Variants in FBXO48 observed in about 807,000 individuals in gnomAD.
FBXO48 encodes the protein F-box only protein 48.
FBXO48 carries 12 observed loss-of-function variants against 14.3 expected under a neutral mutation model. The observed-to-expected ratio is 0.84, with a 90% CI of 0.54 to 1.36. The LOEUF is 1.36. Among genes scored for constraint, FBXO48 ranks in the 40% most tolerant of loss-of-function variants. The pLI, the probability that FBXO48 is intolerant of heterozygous loss-of-function variation, is 0.00. For missense variants in FBXO48, 177 were observed against 179.1 expected, an observed-to-expected ratio of 0.99 and a Z score of 0.07; for synonymous variants, 53 against 61.7, an observed-to-expected ratio of 0.86 and a Z score of 0.66.
intron 3 of FBXO48, among the ~76,000 whole-genome samples, chr2:68,464,615 G>A (rs148002444): frequency 3.9e-5 from 6 of 152,234 alleles, no homozygotes; most frequent in East Asian, 1.9e-4. Context: ...GAAAATTCCC[G>A]AATTTAGAAT....
chr2:68,465,015 A>G lies in FBXO48; in HGVS notation c.131T>C (p.Phe44Ser), dbSNP rs1252180890. 6.2e-7 allele frequency: 1 copy of G among 1,613,828 alleles called. No homozygotes were observed. Among genetic ancestry groups the G allele is most frequent in the African/African-American group, 1.3e-5 (1 of 74,930 alleles). The change falls in exon 3 of 4, where the codon TTT becomes TCT. Residue 44 changes from phenylalanine to serine, a missense_variant. Phe to Ser is a radical substitution (Grantham distance 155). Transcript: ENST00000377957. ...AATGTCCAGCTGACTGAAAATTTTA[A>G]AAGTGATTTCTGCAGGCAGCAGTTC... ...FFELLPAEIT[F>S]KIFSQLDIRS...
rs1047094285 is a variant in FBXO48, at chr2:68,463,179, G to A, written c.*1030C>T. On this transcript the variant is annotated 3_prime_UTR_variant, in exon 4 of 4. Transcript: ENST00000377957. ...GGATTCTTATATTTAATGCTATAGAGAACAGTTTTTAAGAAGAAAACCCCA... is the reference window on the plus strand; with the variant it reads ...GGATTCTTATATTTAATGCTATAGAAAACAGTTTTTAAGAAGAAAACCCCA... 6.6e-6 allele frequency: 1 copy of A among 152,036 alleles called. No individual in the cohort carries two copies. The highest frequency in any genetic ancestry group is 2.4e-5 in the African/African-American group (1 of 41,392). The allele number at this position is 152,036 out of a possible 1,614,324, so 9.4% of individuals were successfully genotyped here.
Position 68,463,668 on chromosome 2 carries a change from A to G in FBXO48, c.*541T>C, listed in dbSNP as rs1168095382. 1.3e-5 allele frequency: 2 copies of G among 152,318 alleles called. No individual in the cohort carries two copies. The highest frequency in any genetic ancestry group is 2.9e-5 in the Non-Finnish European group (2 of 68,086). 9.4% of individuals were successfully genotyped at this position (152,318 alleles called of 1,614,324 possible). On this transcript the variant is annotated 3_prime_UTR_variant, in exon 4 of 4. Transcript: ENST00000377957. The stretch of plus-strand genomic sequence containing the variant: ...TGACATTAACTTAAAACTAAACCAC[A>G]GGCTTAACACATTAAAAATAGTTTC...
At position 68,463,007 on chromosome 2, in the gene FBXO48, C is replaced by A. The variant is rs372026383; in HGVS notation, c.*1202G>T. The A allele has an allele frequency of 3.9e-5, 6 of 152,266 alleles. No individual in the cohort carries two copies. Among genetic ancestry groups the A allele is most frequent in the African/African-American group, 1.4e-4 (6 of 41,524 alleles). 9.4% of individuals were successfully genotyped at this position (152,266 alleles called of 1,614,324 possible). ...GAAAATTACTGAATAGTCCTGGACA[C>A]TTGACTGCCTGATTTTCAAGGACTC... On this transcript the variant is annotated 3_prime_UTR_variant, in exon 4 of 4. Transcript: ENST00000377957.
rs987399545 is a variant in FBXO48, at chr2:68,464,076, A to G, written c.*133T>C. On this transcript the variant is annotated 3_prime_UTR_variant, in exon 4 of 4. Coordinates refer to ENST00000377957, the MANE Select transcript of FBXO48 (RefSeq NM_001024680.3). ...AAAACAAAAATAAAGCTTTACTTTT[A>G]TAATAGTTCCATTTCATTTTCTTTT... 3 of 838,104 alleles carry G rather than the reference A, an allele frequency of 3.6e-6. No homozygotes were observed. The highest frequency in any genetic ancestry group is 5.5e-6 in the Non-Finnish European group (3 of 549,752). 51.9% of individuals were successfully genotyped at this position (838,104 alleles called of 1,614,324 possible).
At position 68,460,963 on chromosome 2, in the gene FBXO48, T is replaced by G. The variant is rs1306936547; in HGVS notation, c.*3246A>C. The stretch of plus-strand genomic sequence containing the variant: ...GCATCCAGTGGATTTAGACATTAAG[T>G]CACTTGTAATTTGGATACCAACAGT... On this transcript the variant is annotated 3_prime_UTR_variant, in exon 4 of 4. Coordinates refer to ENST00000377957, the MANE Select transcript of FBXO48 (RefSeq NM_001024680.3). 6.6e-6 allele frequency: 1 copy of G among 152,228 alleles called. No individual in the cohort carries two copies. Among genetic ancestry groups the G allele is most frequent in the Non-Finnish European group, 1.5e-5 (1 of 68,038 alleles). The allele number at this position is 152,228 out of a possible 1,614,324, so 9.4% of individuals were successfully genotyped here.
chr2:68,464,461 GAA>G (rs1225543386), intron 3 of FBXO48, 91 bp from the exon 4 acceptor site: 1 of 1,078,340 alleles, frequency 9.3e-7, no homozygotes, highest in Non-Finnish European at 1.4e-6. Flanking sequence ...TGACAGGGCT[GAA>G]AAAAAGAGTA....
chr2:68,464,916 T>G lies in FBXO48; in HGVS notation c.230A>C (p.Lys77Thr). The change falls in exon 3 of 4, where the codon AAA becomes ACA. Residue 77 changes from lysine (K) to threonine (T), a missense_variant. Coordinates refer to ENST00000377957, the MANE Select transcript of FBXO48 (RefSeq NM_001024680.3). ...AGCTCTTACAGTCATGCAGTGAGGT[T>G]TCCATAAAGAGTCACTGTTTCTTAT... ...DTIRNSDSLW[K>T]PHCMTVRAVC... The G allele has an allele frequency of 6.2e-7, 1 of 1,613,936 alleles. No homozygotes were observed. Among genetic ancestry groups the G allele is most frequent in the Non-Finnish European group, 8.5e-7 (1 of 1,180,000 alleles).
chr2:68,464,071 CTTTTA>C lies in FBXO48; in HGVS notation c.*133_*137del, dbSNP rs1675332496. ...AGTGCAAAACAAAAATAAAGCTTTA[CTTTTA>C]TAATAGTTCCATTTCATTTTCTTTT... On this transcript the variant is annotated 3_prime_UTR_variant, in exon 4 of 4. Transcript: ENST00000377957. 1.2e-6 allele frequency: 1 copy of C among 809,774 alleles called. No homozygotes were observed. The highest frequency in any genetic ancestry group is 2.2e-5 in the South Asian group (1 of 45,734). 50.2% of individuals were successfully genotyped at this position (809,774 alleles called of 1,614,324 possible).
intron 1 of FBXO48, among the ~76,000 whole-genome samples, chr2:68,466,989 G>A (rs1675435245): frequency 6.6e-6 from 1 of 152,112 alleles, no homozygotes; most frequent in African/African-American, 2.4e-5. Flanking sequence ...GCGGGTCAGG[G>A]CTAATCACCC....
intron 1 of FBXO48, 83 bp downstream of exon 1, chr2:68,467,128 G>A (rs1213392239): frequency 1.3e-5 from 2 of 152,286 alleles, no homozygotes; most frequent in Non-Finnish European, 2.9e-5. Flanking sequence ...AGGCCGCGGA[G>A]GGAAGGCTGA....
rs1675360180 is a variant in FBXO48, at chr2:68,464,874, A to G, written c.272T>C (p.Ile91Thr). The G allele has an allele frequency of 1.2e-6, 2 of 1,613,348 alleles. No homozygotes were observed. The highest frequency in any genetic ancestry group is 1.1e-5 in the South Asian group (1 of 91,072). Residue 91 changes from isoleucine (I) to threonine (T), a missense_variant, in exon 3 of 4, where the codon ATA becomes ACA. Coordinates refer to ENST00000377957, the MANE Select transcript of FBXO48 (RefSeq NM_001024680.3). ...MTVRAVCRRE[I>T]DDDLESGYSW... ...ATAACCACTTTCTAGATCATCATCT[A>G]TTTCTCTTCGGCACACAGCTCTTAC...
At chr2:68,464,429 G>T in intron 3 of FBXO48, 59 bp from the exon 4 acceptor site, 2 of 1,504,930 alleles carry the variant, frequency 1.3e-6, no homozygotes, top group Non-Finnish European at 1.8e-6. Flanking sequence ...TAGTGAATGT[G>T]TTTAAAGCAA....
At chr2:68,465,582 G>T (rs776707351) in intron 2 of FBXO48, among the ~76,000 whole-genome samples, 1 of 151,302 alleles carries the variant, frequency 6.6e-6, no homozygotes, top group African/African-American at 2.4e-5. Context: ...ACGGAGAAAT[G>T]GTTCTTGCTA....
Position 68,464,969 on chromosome 2 carries a change from T to A in FBXO48, c.177A>T (p.Ser59=). ...TGTCATTCCAGCTCCTGCATGTCAA[T>A]GAAGCCCTGCACAGACTCCGAATGT... ...QLDIRSLCRA[S]LTCRSWNDTI... The change falls in exon 3 of 4, where the codon TCA becomes TCT. Residue 59 remains serine (S), a synonymous_variant. Transcript: ENST00000377957. The A allele has an allele frequency of 3.1e-6, 5 of 1,613,958 alleles. No homozygotes were observed. Among genetic ancestry groups the A allele is most frequent in the Non-Finnish European group, 4.2e-6 (5 of 1,179,974 alleles).
intron 2 of FBXO48, 57 bp from the exon 3 acceptor site, chr2:68,465,235 T>A: frequency 2.3e-6 from 2 of 853,650 alleles, no homozygotes; most frequent in Non-Finnish European, 3.5e-6. Flanking sequence ...AATCCTACTT[T>A]AAGTCAGATG....
Position 68,460,585 on chromosome 2 carries a change from G to T in FBXO48, c.*3624C>A, listed in dbSNP as rs755442547. On this transcript the variant is annotated 3_prime_UTR_variant, in exon 4 of 4. Coordinates refer to ENST00000377957, the MANE Select transcript of FBXO48 (RefSeq NM_001024680.3). ...ACTATCTTTGGATAAAAATCCAAAA[G>T]ATAATAGCATATGTATTTCTGGAAC... is the stretch of plus-strand genomic sequence containing the variant. 16 of 151,330 alleles carry T rather than the reference G, an allele frequency of 1.1e-4. No individual in the cohort carries two copies. The highest frequency in any genetic ancestry group is 2.6e-4 in the Admixed American group (4 of 15,196). The allele number at this position is 151,330 out of a possible 1,614,324, so 9.4% of individuals were successfully genotyped here.
Position 68,464,964 on chromosome 2 carries a change from G to A in FBXO48, c.182C>T (p.Thr61Ile). The A allele has an allele frequency of 6.2e-7, 1 of 1,613,888 alleles. No individual in the cohort carries two copies. The highest frequency in any genetic ancestry group is 1.3e-5 in the African/African-American group (1 of 75,038). ...TATTGTGTCATTCCAGCTCCTGCAT[G>A]TCAATGAAGCCCTGCACAGACTCCG... ...DIRSLCRASL[T>I]CRSWNDTIRN... Residue 61 changes from threonine to isoleucine, a missense_variant, in exon 3 of 4, where the codon ACA (threonine) becomes ATA (isoleucine). Transcript: ENST00000377957.
rs950133162 is a variant in FBXO48 at position 68,461,169 on chromosome 2, G to A, written c.*3040C>T. 1.3e-5 allele frequency: 2 copies of A among 152,116 alleles called. No homozygotes were observed. Among genetic ancestry groups the A allele is most frequent in the Non-Finnish European group, 2.9e-5 (2 of 68,026 alleles). 9.4% of individuals were successfully genotyped at this position (152,116 alleles called of 1,614,324 possible). On this transcript the variant is annotated 3_prime_UTR_variant, in exon 4 of 4. Coordinates refer to ENST00000377957, the MANE Select transcript of FBXO48 (RefSeq NM_001024680.3). ...TGAAACTCAATTTGAATTAATTTAG[G>A]TAAGCAGATAAGGAATGGCTGGGAC...
Sources: gnomAD v4.1 joint callset for allele counts (sites outside exome capture counted in the v4.1 genomes callset) on GRCh38, gnomAD v4.1.1 for gene constraint, MANE v1.5 for transcripts, NCBI Gene and HGNC (gene_info 2026-07-23, HGNC 2026-07-21) for gene names.